Variants in EBF3 observed in about 807,000 individuals in gnomAD.
The protein encoded by EBF3 is EBF transcription factor 3.
Under a neutral mutation model 77.1 loss-of-function variants are expected in EBF3, and 18 were observed. The observed-to-expected ratio is 0.23, with a 90% CI of 0.16 to 0.35. The LOEUF (loss-of-function observed/expected upper bound fraction) is 0.35. EBF3 is among the 10% of genes least tolerant of loss of function. The probability of loss-of-function intolerance (pLI) is 1.00; values close to 1 mark genes in which losing one functional copy is unlikely to be tolerated. For missense variants in EBF3, 558 were observed against 860.0 expected (o/e 0.65, Z 4.39); for synonymous variants, 350 against 343.5 (o/e 1.02, Z -0.21).
At position 129,879,678 on chromosome 10, in the gene EBF3, C is replaced by G. The variant is rs1458701381; in HGVS notation, c.555-1829G>C. 5.3e-5 allele frequency among the ~76,000 whole-genome samples: 8 copies of G among 152,230 alleles called. No homozygotes were observed. The highest frequency in any genetic ancestry group is 1.2e-4 in the Non-Finnish European group (8 of 68,044). On this transcript the variant is annotated intron_variant, in intron 6 of 16. Coordinates refer to ENST00000440978, the MANE Select transcript of EBF3 (RefSeq NM_001375380.1). This position sits in a 1 kb window ranked among gnomAD's most constrained non-coding sequence, Gnocchi z 4.7. ...AATGCCTCTTCACACCATCTGCCAT[C>G]AGCATACAGTAAGTCACTTGATATT...
At chr10:129,912,267 C>T (rs953078197) in intron 6 of EBF3, among the ~76,000 whole-genome samples, 2 of 152,198 alleles carry the variant, frequency 1.3e-5, no homozygotes, top group Non-Finnish European at 2.9e-5. Flanking sequence ...CTCCTCTCCC[C>T]ACTATCAACA....
rs1232921085 is a variant in EBF3 at position 129,944,008 on chromosome 10, T to G, written c.554+13250A>C. 6.6e-6 allele frequency among the ~76,000 whole-genome samples: 1 copy of G among 152,230 alleles called. No individual in the cohort carries two copies. The highest frequency in any genetic ancestry group is 1.9e-4 in the East Asian group (1 of 5,202). Reference sequence around the variant, plus strand: ...ACCCTATGCGTGATTTCTGAGTTGATTAACATTTCATCTCTAGTGTTATGT... The same window carrying G: ...ACCCTATGCGTGATTTCTGAGTTGAGTAACATTTCATCTCTAGTGTTATGT... On this transcript the variant is annotated intron_variant, in intron 6 of 16. Coordinates refer to ENST00000440978, the MANE Select transcript of EBF3 (RefSeq NM_001375380.1). This position sits in a 1 kb window ranked among gnomAD's most constrained non-coding sequence, Gnocchi z 5.1.
chr10:129,868,565 C>G (rs759280177), intron 8 of EBF3, among the ~76,000 whole-genome samples: 8 of 152,138 alleles, frequency 5.3e-5, no homozygotes, highest in Non-Finnish European at 1.0e-4. Context: ...TGAGTTATTA[C>G]AATGGTGCTG....
chr10:129,840,477 C>T (rs760364324), intron 14 of EBF3, 35 bp from the exon 15 acceptor site: 99 of 1,537,672 alleles, frequency 6.4e-5, no homozygotes, highest in African/African-American at 2.1e-4. Context: ...CACGCGCGGC[C>T]GCGGCACAGC....
intron 6 of EBF3, among the ~76,000 whole-genome samples, chr10:129,942,127 G>A (rs1351599954): frequency 2.0e-5 from 3 of 152,304 alleles, no homozygotes; most frequent in South Asian, 2.1e-4. Flanking sequence ...CAGCATGGAC[G>A]GCTCCCTGCA....
chr10:129,913,567 G>A (rs1222826948), intron 6 of EBF3, among the ~76,000 whole-genome samples: 2 of 152,266 alleles, frequency 1.3e-5, no homozygotes, highest in African/African-American at 2.4e-5. Flanking sequence ...CCAGCCTGAC[G>A]GTCCTGAGGC....
At chr10:129,898,828 TCCTCCCGCGCCCAGGCCCCGCTGCG>T (rs1351552815) in intron 6 of EBF3, among the ~76,000 whole-genome samples, 3 of 152,110 alleles carry the variant, frequency 2.0e-5, no homozygotes, top group Non-Finnish European at 4.4e-5. Flanking sequence ...CCGCTGCCCC[TCCTCCCGCGCCCAGGCCCCGCTGCG>T]CCTCCCGCAG....
In EBF3 at chr10:129,900,825, T is replaced by C. The variant is rs2134242566; in HGVS notation, c.555-22976A>G. Among the ~76,000 whole-genome samples, 2 of 152,282 alleles carry C rather than the reference T, an allele frequency of 1.3e-5. 1 individual carries two copies. The highest frequency in any genetic ancestry group is 4.8e-5 in the African/African-American group (2 of 41,584). On this transcript the variant is annotated intron_variant, in intron 6 of 16. Transcript: ENST00000440978. ...ACCCATCAGCCACAGGCAACCTGGG[T>C]AGACTTCCATGGGAGGGCACCTCAG...
At chr10:129,869,656 A>G (rs983775355) in intron 8 of EBF3, among the ~76,000 whole-genome samples, 4 of 152,138 alleles carry the variant, frequency 2.6e-5, no homozygotes, top group African/African-American at 9.7e-5. Flanking sequence ...TGTCTAGTTA[A>G]TCACCATTAG....
At chr10:129,929,283 C>T (rs11817026) in intron 6 of EBF3, among the ~76,000 whole-genome samples, 16,286 of 152,106 alleles carry the variant, frequency 0.11, 1,929 homozygotes, top group African/African-American at 0.3. Context: ...CAGTTCACTG[C>T]AACCTGCACC....
chr10:129,856,698 G>C (rs1851275726), intron 10 of EBF3, among the ~76,000 whole-genome samples: 1 of 152,226 alleles, frequency 6.6e-6, no homozygotes, highest in Non-Finnish European at 1.5e-5. Flanking sequence ...GGAGGAATGG[G>C]GCAACAGCTA....
At chr10:129,901,201 T>G (rs1854755075) in intron 6 of EBF3, among the ~76,000 whole-genome samples, 1 of 152,222 alleles carries the variant, frequency 6.6e-6, no homozygotes, top group Admixed American at 6.5e-5. Flanking sequence ...AGGCTGCCAG[T>G]GCTCAGCTGA....
intron 6 of EBF3, among the ~76,000 whole-genome samples, chr10:129,906,880 C>T (rs1182369626): frequency 6.6e-6 from 1 of 152,044 alleles, no homozygotes. Context: ...CCTTTTAGCC[C>T]AACTCTATTA....
In EBF3 at chr10:129,878,373, A is replaced by G. The variant is rs372330296; in HGVS notation, c.555-524T>C. On this transcript the variant is annotated intron_variant, in intron 6 of 16. Coordinates refer to ENST00000440978, the MANE Select transcript of EBF3 (RefSeq NM_001375380.1). ...AGGCTACCACTGCCTAAGCAAACAC[A>G]CTTTTAAATATGGGTTTTAAGAGTT... Among the ~76,000 whole-genome samples the G allele has an allele frequency of 3.6e-3, 543 of 152,226 alleles. 4 individuals are homozygous for G. The highest frequency in any genetic ancestry group is 5.9e-3 in the Non-Finnish European group (403 of 68,014).
chr10:129,894,483 G>A (rs1246131871), intron 6 of EBF3, among the ~76,000 whole-genome samples: 2 of 152,118 alleles, frequency 1.3e-5, no homozygotes, highest in Admixed American at 1.3e-4. Flanking sequence ...CCAGGGGAGA[G>A]GCCCCCTGCA....
intron 16 of EBF3, among the ~76,000 whole-genome samples, chr10:129,838,584 G>A (rs1003342953): frequency 1.3e-5 from 2 of 152,192 alleles, no homozygotes; most frequent in Non-Finnish European, 2.9e-5. Context: ...TCATGGCACC[G>A]CCTCGGGACC....
chr10:129,838,146 C>T (rs927669069), intron 16 of EBF3, among the ~76,000 whole-genome samples, 186 bp from the exon 17 acceptor site: 7 of 152,210 alleles, frequency 4.6e-5, no homozygotes, highest in African/African-American at 7.2e-5. Context: ...TGGGGGCACA[C>T]GTGGGGACAA....
At position 129,863,689 on chromosome 10, in the gene EBF3, G is replaced by A. The variant is rs1161822034; in HGVS notation, c.1039+3452C>T. Among the ~76,000 whole-genome samples, 1 of 152,220 alleles carries A rather than the reference G, an allele frequency of 6.6e-6. No homozygotes were observed. Among genetic ancestry groups the A allele is most frequent in the African/African-American group, 2.4e-5 (1 of 41,458 alleles). Reference sequence around the variant, plus strand: ...CGTGACATGCAAAGGGGCTGGCTCAGTTTTCAGCGGGGGAGTGCAATTCCC... The same window carrying A: ...CGTGACATGCAAAGGGGCTGGCTCAATTTTCAGCGGGGGAGTGCAATTCCC... On this transcript the variant is annotated intron_variant, in intron 10 of 16. Transcript: ENST00000440978. This position sits in a 1 kb window ranked among gnomAD's most constrained non-coding sequence, Gnocchi z 4.0.
chr10:129,838,175 C>T (rs867679275), intron 16 of EBF3, among the ~76,000 whole-genome samples: 10 of 152,256 alleles, frequency 6.6e-5, no homozygotes, highest in Admixed American at 1.3e-4. Flanking sequence ...AGTCCTGCCC[C>T]TCCTGCAGCC....
Sources: gnomAD v4.1 joint callset for allele counts (sites outside exome capture counted in the v4.1 genomes callset) on GRCh38, gnomAD v4.1.1 for gene constraint, Gnocchi (gnomAD v3.1) non-coding constraint, MANE v1.5 for transcripts, NCBI Gene and HGNC (gene_info 2026-07-23, HGNC 2026-07-21) for gene names.